Variants in MAF observed in about 807,000 individuals in gnomAD.
MAF encodes transcription factor Maf.
Under a neutral mutation model 22.0 loss-of-function variants are expected in MAF, and 10 were observed. The observed-to-expected ratio is 0.45, with a 90% confidence interval of 0.28 to 0.77. MAF has a LOEUF of 0.77. Ranked by LOEUF, MAF falls within the 30% of genes least tolerant of loss-of-function variation. The pLI, the probability that MAF is intolerant of heterozygous loss-of-function variation, is 0.12. For synonymous variants in MAF, 337 were observed against 255.8 expected (o/e 1.32, Z -3.03); for missense variants, 544 against 548.4 (o/e 0.99, Z 0.08).
chr16:79,484,637 G>A, the MAF span, among the ~76,000 whole-genome samples: 5 of 152,192 alleles, frequency 3.3e-5, no homozygotes, highest in African/African-American at 4.8e-5. Flanking sequence ...CCTGGGTCAG[G>A]TGGAGTTATG....
At chr16:79,224,104 A>T in the MAF span, among the ~76,000 whole-genome samples, 2 of 152,180 alleles carry the variant, frequency 1.3e-5, no homozygotes, top group Non-Finnish European at 2.9e-5. Context: ...TGCTGCGAAA[A>T]TCCTCAATAA....
At chr16:79,205,619 T>A in the MAF span, 1 of 152,210 alleles carries the variant, frequency 6.6e-6, no homozygotes, top group Non-Finnish European at 1.5e-5. Context: ...AGTGCATTCC[T>A]CTTCTATAAT....
At chr16:79,409,132 C>G in the MAF span, among the ~76,000 whole-genome samples, 1 of 151,908 alleles carries the variant, frequency 6.6e-6, no homozygotes, top group African/African-American at 2.4e-5. Context: ...TCCAGGTTCT[C>G]CTCCTCACTC....
the MAF span, among the ~76,000 whole-genome samples, chr16:79,501,118 A>C: frequency 6.6e-6 from 1 of 152,162 alleles, no homozygotes; most frequent in Non-Finnish European, 1.5e-5. Context: ...AGGTGTCACC[A>C]CACTCCCTCT....
chr16:79,486,894 G>A, the MAF span, among the ~76,000 whole-genome samples: 24 of 152,248 alleles, frequency 1.6e-4, no homozygotes, highest in South Asian at 6.2e-4. Context: ...GACTTGTGGA[G>A]GTCCCCCTCC....
the MAF span, among the ~76,000 whole-genome samples, chr16:79,309,128 C>T: frequency 1.3e-5 from 2 of 152,072 alleles, no homozygotes; most frequent in African/African-American, 4.8e-5. Flanking sequence ...GTCAGTGTTC[C>T]ATCTAAGCCT....
the MAF span, among the ~76,000 whole-genome samples, chr16:79,216,902 G>A: frequency 4.6e-5 from 7 of 151,090 alleles, no homozygotes; most frequent in East Asian, 3.9e-4. Context: ...AGCCACCTCC[G>A]GGGTTCAAGA....
At chr16:79,210,619 CATAA>C in the MAF span, among the ~76,000 whole-genome samples, 6 of 152,178 alleles carry the variant, frequency 3.9e-5, no homozygotes, top group South Asian at 2.1e-4. Context: ...CTCTGAAACA[CATAA>C]ATAATCATAA....
rs1047666432 is a variant in MAF at position 79,594,369 on chromosome 16, C to T, written c.*91G>A. On this transcript the variant is annotated 3_prime_UTR_variant, in exon 2 of 2. Coordinates refer to ENST00000326043, the MANE Select transcript of MAF (RefSeq NM_005360.5). ...CAGTAATTTTTATTTAAAAAGGAGA[C>T]TAAACAGAAGTCAGGGGTAGGTGGT... 4 of 1,138,636 alleles carry T rather than the reference C, an allele frequency of 3.5e-6. No homozygotes were observed. In the African/African-American group the frequency reaches 6.2e-5, roughly 18 times the overall value. 70.5% of individuals were successfully genotyped at this position (1,138,636 alleles called of 1,614,324 possible).
At chr16:79,348,179 G>C in the MAF span, among the ~76,000 whole-genome samples, 4 of 152,210 alleles carry the variant, frequency 2.6e-5, no homozygotes, top group Non-Finnish European at 4.4e-5. Context: ...AAGAAGTTCT[G>C]AATTTCTGTT....
the MAF span, among the ~76,000 whole-genome samples, chr16:79,239,889 C>T: frequency 6.6e-6 from 1 of 151,954 alleles, no homozygotes; most frequent in Non-Finnish European, 1.5e-5. Flanking sequence ...ACTTTAGAAG[C>T]CTTGAAGAAA....
At chr16:79,557,384 C>G in the MAF span, among the ~76,000 whole-genome samples, 1 of 151,970 alleles carries the variant, frequency 6.6e-6, no homozygotes, top group Non-Finnish European at 1.5e-5. Flanking sequence ...TCCAGACTTT[C>G]AGGTGTAGAG....
At chr16:79,321,175 C>T in the MAF span, among the ~76,000 whole-genome samples, 7 of 152,162 alleles carry the variant, frequency 4.6e-5, no homozygotes, top group Non-Finnish European at 7.3e-5. Context: ...TCGATGCCTG[C>T]CCTACCAGAA....
the MAF span, among the ~76,000 whole-genome samples, chr16:79,249,876 T>C: frequency 6.6e-6 from 1 of 152,154 alleles, no homozygotes; most frequent in Admixed American, 6.5e-5. Flanking sequence ...TGTAACATAA[T>C]GGTCATAATG....
chr16:79,472,163 T>G, the MAF span, among the ~76,000 whole-genome samples: 1 of 152,192 alleles, frequency 6.6e-6, no homozygotes, highest in Non-Finnish European at 1.5e-5. Context: ...AAATCCCCAG[T>G]CAACCCTCAA....
At chr16:79,572,134 T>C in the MAF span, among the ~76,000 whole-genome samples, 39 of 152,344 alleles carry the variant, frequency 2.6e-4, no homozygotes, top group Admixed American at 2.4e-3. Context: ...ATTTGTAGCA[T>C]TTTGGAGCAA....
the MAF span, among the ~76,000 whole-genome samples, chr16:79,304,255 C>T: frequency 6.6e-6 from 1 of 152,180 alleles, no homozygotes. Context: ...GCCCGGGAAG[C>T]ATCGCTCCCT....
At chr16:79,568,834 T>A in the MAF span, among the ~76,000 whole-genome samples, 281 of 152,284 alleles carry the variant, frequency 1.8e-3, 1 homozygote, top group African/African-American at 6.4e-3. Context: ...CAATAATAGA[T>A]CATGTTTACT....
At chr16:79,596,007 G>C (rs1239904721) in intron 1 of MAF, 9 of 1,060,812 alleles carry the variant, frequency 8.5e-6, no homozygotes, top group Non-Finnish European at 1.0e-5. Context: ...GAAAATCTCG[G>C]TGTGTAAGAG....
Sources: allele counts gnomAD v4.1 joint callset (sites outside exome capture counted in the v4.1 genomes callset), GRCh38; gene constraint gnomAD v4.1.1; transcripts MANE v1.5; gene names NCBI Gene and HGNC (gene_info 2026-07-23, HGNC 2026-07-21).